The following HELZ variants were observed in gnomAD, a reference collection of about 807,000 sequenced individuals.
HELZ encodes the protein ATP-dependent RNA helicase with zinc finger domain.
HELZ carries 23 observed loss-of-function variants against 218.2 expected under a neutral mutation model. That is an observed-to-expected ratio of 0.11 (90% confidence interval 0.08 to 0.15). HELZ has a LOEUF of 0.15. HELZ is among the 10% of genes least tolerant of loss of function. HELZ has a pLI of 1.00. For missense variants in HELZ, 1,813 were observed against 2,353.7 expected (o/e 0.77, Z 4.75); for synonymous variants, 814 against 829.4 (o/e 0.98, Z 0.32).
At chr17:67,245,409 G>A, upstream of HELZ, 1 of 862,744 alleles carries the variant, frequency 1.2e-6, no homozygotes, top group Non-Finnish European at 1.4e-6. Flanking sequence ...CGTGGCTTTG[G>A]GGTTTTCTCC....
At chr17:67,092,319 A>C (rs2036596135) in intron 31 of HELZ, among the ~76,000 whole-genome samples, 1 of 152,220 alleles carries the variant, frequency 6.6e-6, no homozygotes. Flanking sequence ...CTGTGGAAGA[A>C]GAATGAAATT....
intron 2 of HELZ, among the ~76,000 whole-genome samples, chr17:67,240,175 T>C (rs772274704): frequency 6.6e-6 from 1 of 152,244 alleles, no homozygotes; most frequent in Non-Finnish European, 1.5e-5. Context: ...GATGGTAGTT[T>C]ATCATTATTA....
chr17:67,211,655 GT>G (rs1413625364), intron 5 of HELZ, among the ~76,000 whole-genome samples: 4 of 152,200 alleles, frequency 2.6e-5, no homozygotes, highest in Non-Finnish European at 4.4e-5. Flanking sequence ...GAGGTCAGGA[GT>G]TTGAGACCAG....
intron 5 of HELZ, among the ~76,000 whole-genome samples, chr17:67,214,069 C>T (rs2040526924): frequency 6.6e-6 from 1 of 151,898 alleles, no homozygotes; most frequent in East Asian, 1.9e-4. Context: ...TAAATTTTTC[C>T]TCTATATTAT....
chr17:67,088,062 G>C (rs910541371), intron 31 of HELZ, among the ~76,000 whole-genome samples: 2 of 152,140 alleles, frequency 1.3e-5, no homozygotes, highest in African/African-American at 4.8e-5. Flanking sequence ...CCCATATCTT[G>C]GGATTGTTGG....
chr17:67,127,863 A>AT (rs2037851643), intron 24 of HELZ, among the ~76,000 whole-genome samples: 2 of 151,832 alleles, frequency 1.3e-5, no homozygotes, highest in Admixed American at 1.3e-4. Flanking sequence ...AAAGATTTAC[A>AT]TTTTTTAAAG....
intron 17 of HELZ, among the ~76,000 whole-genome samples, chr17:67,152,610 T>C (rs2038719052): frequency 6.6e-6 from 1 of 151,988 alleles, no homozygotes; most frequent in Admixed American, 6.6e-5. Context: ...GAATTTCGTT[T>C]TGGGCATATT....
intron 5 of HELZ, among the ~76,000 whole-genome samples, chr17:67,213,821 A>G (rs528843335): frequency 6.6e-6 from 1 of 152,290 alleles, no homozygotes; most frequent in East Asian, 1.9e-4. Flanking sequence ...ATAGCAGCAC[A>G]TCCACGCCAT....
chr17:67,145,417 T>C (rs1473177602), intron 21 of HELZ, among the ~76,000 whole-genome samples: 1 of 152,240 alleles, frequency 6.6e-6, no homozygotes, highest in African/African-American at 2.4e-5. Flanking sequence ...CTCATTTGCA[T>C]ATGCACTATA....
At chr17:67,139,657 G>A (rs1034118082) in intron 21 of HELZ, among the ~76,000 whole-genome samples, 1 of 152,186 alleles carries the variant, frequency 6.6e-6, no homozygotes, top group African/African-American at 2.4e-5. Flanking sequence ...ACAAGAAATT[G>A]AGAAGCATCC....
chr17:67,153,793 A>G (rs942613784), intron 17 of HELZ, among the ~76,000 whole-genome samples: 13 of 152,384 alleles, frequency 8.5e-5, no homozygotes, highest in African/African-American at 3.1e-4. Flanking sequence ...GAATATAGGC[A>G]ATCAAAATAA....
intron 4 of HELZ, among the ~76,000 whole-genome samples, chr17:67,216,701 T>C (rs923120658): frequency 6.6e-6 from 1 of 152,126 alleles, no homozygotes. Flanking sequence ...TCTCAAGAGA[T>C]CACCAGTGAC....
intron 1 of HELZ, 74 bp downstream of exon 1, chr17:67,245,074 G>C (rs2041444533): frequency 1.0e-6 from 1 of 984,792 alleles, no homozygotes; most frequent in Non-Finnish European, 1.2e-6. Flanking sequence ...AGGGGAGTCG[G>C]GTCCCCTCCC....
chr17:67,182,380 G>T lies in HELZ; in HGVS notation c.1163-3454C>A, dbSNP rs560042174. ...GAATCGCTTGAACCCAGGAGGTGGA[G>T]GTTGCAGTGAGCCAACACTGCACCA... On this transcript the variant is annotated intron_variant, in intron 12 of 32. Transcript: ENST00000358691. Among the ~76,000 whole-genome samples, 12 of 152,264 alleles carry T rather than the reference G, an allele frequency of 7.9e-5. No homozygotes were observed. In the South Asian group the frequency reaches 2.5e-3, roughly 32 times the overall value.
chr17:67,149,943 A>G lies in HELZ; in HGVS notation c.2399T>C (p.Met800Thr), dbSNP rs761838574. 41 of 1,611,214 alleles carry G rather than the reference A, an allele frequency of 2.5e-5. No homozygotes were observed. Among genetic ancestry groups the G allele is most frequent in the Middle Eastern group, 1.6e-4 (1 of 6,074 alleles). Residue 800 changes from methionine (M) to threonine (T), a missense_variant, in exon 19 of 33, where the codon ATG (methionine) becomes ACG (threonine). By Grantham distance (81) the Met-to-Thr change is moderately conservative. Transcript: ENST00000358691. ...TAGAGGCATAATGGTTTCACACTCCATGGCCTGGGCAGCTTCATCTAATAG... is the reference window on the plus strand; with the variant it reads ...TAGAGGCATAATGGTTTCACACTCCGTGGCCTGGGCAGCTTCATCTAATAG... ...HILLDEAAQA[M>T]ECETIMPLAL...
chr17:67,125,457 A>G (rs1010748134), intron 24 of HELZ, among the ~76,000 whole-genome samples: 3 of 151,034 alleles, frequency 2.0e-5, no homozygotes, highest in African/African-American at 4.9e-5. Flanking sequence ...TAGAAGAGAC[A>G]AGATCAGCCA....
At position 67,216,866 on chromosome 17, in the gene HELZ, T is replaced by C. The variant is rs2040614281; in HGVS notation, c.211-931A>G. ...CTACCAGGACTCCTTCCTCTCACAC[T>C]TTCCCCTTTCCTCAGGGTTGCTCTT... On this transcript the variant is annotated intron_variant, in intron 4 of 32. Transcript: ENST00000358691. Among the ~76,000 whole-genome samples, 3 of 149,148 alleles carry C rather than the reference T, an allele frequency of 2.0e-5. No individual in the cohort carries two copies. In the South Asian group the frequency reaches 6.2e-4, roughly 31 times the overall value.
chr17:67,140,765 C>T (rs890484258), intron 21 of HELZ, among the ~76,000 whole-genome samples: 1 of 152,016 alleles, frequency 6.6e-6, no homozygotes, highest in Admixed American at 6.6e-5. Flanking sequence ...ACAAGGAGAC[C>T]CACACCCAGA....
intron 31 of HELZ, among the ~76,000 whole-genome samples, chr17:67,103,132 G>A (rs1209051206): frequency 6.6e-6 from 1 of 152,092 alleles, no homozygotes; most frequent in African/African-American, 2.4e-5. Flanking sequence ...CAGCAAAAAT[G>A]GCAGAGTGAG....
Sources: gnomAD v4.1 joint callset for allele counts (sites outside exome capture counted in the v4.1 genomes callset) on GRCh38, gnomAD v4.1.1 for gene constraint, MANE v1.5 for transcripts, NCBI Gene and HGNC (gene_info 2026-07-23, HGNC 2026-07-21) for gene names.